ARHGEF5: variants seen among roughly 807,000 people sequenced by gnomAD.
ARHGEF5 encodes the protein Rho guanine nucleotide exchange factor (GEF) 5.
A neutral mutation model predicts 104.0 loss-of-function variants in ARHGEF5; 11 were observed. The ratio of observed to expected loss-of-function variants is 0.11; its 90% CI spans 0.07 to 0.18. The LOEUF is 0.18. ARHGEF5 is among the 10% of genes least tolerant of loss of function. The pLI, the probability that ARHGEF5 is intolerant of heterozygous loss-of-function variation, is 1.00. For missense variants in ARHGEF5, 165 were observed against 1,335.4 expected, an observed-to-expected ratio of 0.12 and a Z score of 13.66; for synonymous variants, 60 against 512.2, an observed-to-expected ratio of 0.12 and a Z score of 11.92.
At chr7:144,360,923 T>C (rs1301945111) in intron 1 of ARHGEF5, among the ~76,000 whole-genome samples, 2 of 146,014 alleles carry the variant, frequency 1.4e-5, no homozygotes, top group Admixed American at 1.4e-4. Flanking sequence ...GGGGTACAAT[T>C]TAACCTAGTT....
In ARHGEF5 at chr7:144,379,179, G is replaced by C. The variant is rs191822115; in HGVS notation, c.4636+313G>C. On this transcript the variant is annotated intron_variant, in intron 14 of 14. Coordinates refer to ENST00000056217, the MANE Select transcript of ARHGEF5 (RefSeq NM_005435.4). ...TCTTCCTGTGGCTAGCTGCCTTCCT[G>C]TGTCTGTGTCCAAGTTTTCCTCCTT... 3.4e-4 allele frequency among the ~76,000 whole-genome samples: 51 copies of C among 152,226 alleles called. No homozygotes were observed. The East Asian group carries it at 8.1e-3, about 24-fold the overall frequency.
chr7:144,377,288 A>G, intron 13 of ARHGEF5, 98 bp downstream of exon 13: 1 of 1,548,196 alleles, frequency 6.5e-7, no homozygotes, highest in Non-Finnish European at 8.7e-7. Flanking sequence ...CTAGGCTTTC[A>G]TTTATTGATA....
chr7:144,368,755 T>G (rs1587068457), intron 5 of ARHGEF5, among the ~76,000 whole-genome samples: 2 of 105,470 alleles, frequency 1.9e-5, no homozygotes, highest in Non-Finnish European at 3.9e-5. Flanking sequence ...CAGGGAGGAG[T>G]AAAATTTGGG....
intron 13 of ARHGEF5, 69 bp downstream of exon 13, chr7:144,377,259 A>G: frequency 6.6e-7 from 1 of 1,524,702 alleles, no homozygotes; most frequent in Non-Finnish European, 8.8e-7. Context: ...ACAGGAGTTT[A>G]AAGGGCTGGG....
At chr7:144,378,908 G>A (rs776153317) in intron 14 of ARHGEF5, 42 bp downstream of exon 14, 17 of 1,559,156 alleles carry the variant, frequency 1.1e-5, no homozygotes, top group African/African-American at 2.7e-5. Context: ...GGCACTGCAG[G>A]CAGGGCAGTG....
At chr7:144,378,992 G>A in intron 14 of ARHGEF5, 126 bp downstream of exon 14, 1 of 909,190 alleles carries the variant, frequency 1.1e-6, no homozygotes, top group Non-Finnish European at 1.7e-6. Context: ...CAACAGAAAT[G>A]CATTCTCTCA....
intron 10 of ARHGEF5, 60 bp downstream of exon 10, chr7:144,373,344 T>C (rs2053737939): frequency 1.1e-6 from 1 of 917,222 alleles, no homozygotes; most frequent in East Asian, 2.6e-5. Flanking sequence ...GTCCTGCAGA[T>C]CACCCCCTAA....
chr7:144,379,946 C>A lies in ARHGEF5; in HGVS notation c.4684C>A (p.Pro1562Thr). Residue 1562 changes from proline (P) to threonine (T), a missense_variant, in exon 15 of 15, where the codon CCT (proline) becomes ACT (threonine). Transcript: ENST00000056217. ...RLSDGERGWF[P>T]VQQVEFISNP... ...CTCAGACGGGGAGCGAGGCTGGTTT[C>A]CTGTGCAGCAGGTGGAGTTCATTTC... 6.2e-7 allele frequency: 1 copy of A among 1,614,212 alleles called. No individual in the cohort carries two copies. The highest frequency in any genetic ancestry group is 1.7e-5 in the Admixed American group (1 of 60,026).
rs1164674316 is a variant in ARHGEF5 at position 144,371,291 on chromosome 7, GT to G, written c.3665del (p.Leu1222TyrfsTer31). 5.0e-6 allele frequency: 8 copies of G among 1,593,234 alleles called. No individual in the cohort carries two copies. Among genetic ancestry groups the G allele is most frequent in the Non-Finnish European group, 6.9e-6 (8 of 1,166,808 alleles). On this transcript the variant is annotated frameshift_variant, in exon 6 of 15. Coordinates refer to ENST00000056217, the MANE Select transcript of ARHGEF5 (RefSeq NM_005435.4). LOFTEE classifies it high-confidence loss of function. ...CAGGAGCACCAATGGCTCTTCTCTC[GT>G]TTACAGGATGTGCGAGACGTCAGCG... Reference protein sequence around the residue: ...SNQEHQWLFSRLQDVRDVSAT... With the variant: ...SNQEHQWLFSXLQDVRDVSAT...
At chr7:144,360,986 T>G (rs1250529838) in intron 1 of ARHGEF5, among the ~76,000 whole-genome samples, 1 of 145,680 alleles carries the variant, frequency 6.9e-6, no homozygotes, top group African/African-American at 2.5e-5. Flanking sequence ...TCACAACACT[T>G]CGGGAGGCCG....
chr7:144,360,101 A>T (rs187061602), intron 1 of ARHGEF5, among the ~76,000 whole-genome samples: 3,092 of 109,426 alleles, frequency 0.028, 650 homozygotes, highest in Non-Finnish European at 0.042. Flanking sequence ...TTAATTAATT[A>T]ATTTATTTAT....
intron 14 of ARHGEF5, among the ~76,000 whole-genome samples, chr7:144,379,354 C>A (rs939129653): frequency 1.3e-5 from 2 of 152,030 alleles, no homozygotes; most frequent in African/African-American, 4.8e-5. Context: ...CAAGTAGCTG[C>A]GTGAGCCACC....
At chr7:144,377,850 C>T (rs767885741) in intron 13 of ARHGEF5, among the ~76,000 whole-genome samples, 2 of 152,020 alleles carry the variant, frequency 1.3e-5, no homozygotes, top group African/African-American at 2.4e-5. Context: ...AGTAACTGAA[C>T]GCTGTTAACT....
chr7:144,374,948 GGGTCTGAAA>G, intron 11 of ARHGEF5, 59 bp downstream of exon 11: 2 of 538,306 alleles, frequency 3.7e-6, no homozygotes, highest in Non-Finnish European at 6.5e-6. Flanking sequence ...GGAAAGAGGG[GGGTCTGAAA>G]GGGAGAGAGA....
At chr7:144,377,984 G>A (rs1306905031) in intron 13 of ARHGEF5, among the ~76,000 whole-genome samples, 1 of 152,102 alleles carries the variant, frequency 6.6e-6, no homozygotes, top group Admixed American at 6.5e-5. Context: ...AAAGCAAATA[G>A]TAATGCAGTA....
chr7:144,378,578 A>G (rs2053777678), intron 13 of ARHGEF5, among the ~76,000 whole-genome samples, 184 bp from the exon 14 acceptor site: 1 of 152,234 alleles, frequency 6.6e-6, no homozygotes, highest in African/African-American at 2.4e-5. Context: ...TTTTTGGTCC[A>G]TTTCATTTCT....
chr7:144,373,932 C>T (rs1388608027), intron 10 of ARHGEF5, among the ~76,000 whole-genome samples: 1 of 132,854 alleles, frequency 7.5e-6, no homozygotes, highest in African/African-American at 2.7e-5. Flanking sequence ...ACCTCCACCT[C>T]CCAGGTTCAA....
At chr7:144,357,410 C>T (rs201514284) in intron 1 of ARHGEF5, among the ~76,000 whole-genome samples, 14 of 131,684 alleles carry the variant, frequency 1.1e-4, no homozygotes, top group East Asian at 2.9e-4. Context: ...AGAACACACA[C>T]TGTAGTAGTC....
chr7:144,379,462 G>A (rs1042205918), intron 14 of ARHGEF5, among the ~76,000 whole-genome samples: 3 of 151,908 alleles, frequency 2.0e-5, no homozygotes, highest in African/African-American at 4.8e-5. Context: ...CACCCACCTC[G>A]GCCTCCCAAA....
Sources: gnomAD v4.1 joint callset for allele counts (sites outside exome capture counted in the v4.1 genomes callset) on GRCh38, gnomAD v4.1.1 for gene constraint, MANE v1.5 for transcripts, NCBI Gene and HGNC (gene_info 2026-07-23, HGNC 2026-07-21) for gene names.